Variants in HS3ST4 observed in about 807,000 individuals in gnomAD.
HS3ST4 encodes heparan sulfate-glucosamine 3-sulfotransferase 4.
In HS3ST4, 17 loss-of-function variants were observed where a neutral mutation model predicts 29.2. The observed-to-expected ratio is 0.58, with a 90% CI of 0.40 to 0.87. The LOEUF (loss-of-function observed/expected upper bound fraction) is 0.87. Among genes scored for constraint, HS3ST4 ranks in the 40% least tolerant of loss-of-function variants. The pLI is 0.00. For synonymous variants in HS3ST4, 314 were observed against 285.7 expected (o/e 1.10, Z -1.00); for missense variants, 627 against 634.5 (o/e 0.99, Z 0.13).
intron 1 of HS3ST4, among the ~76,000 whole-genome samples, chr16:25,919,306 A>C (rs1009577764): frequency 2.0e-5 from 3 of 152,152 alleles, no homozygotes; most frequent in Admixed American, 2.0e-4. Flanking sequence ...TTGGGATTAC[A>C]GGTGAGAGCC....
chr16:25,812,254 A>G (rs971806676), intron 1 of HS3ST4, among the ~76,000 whole-genome samples: 1 of 152,156 alleles, frequency 6.6e-6, no homozygotes, highest in African/African-American at 2.4e-5. Context: ...CATGTGGCAA[A>G]TGTCACAAAT....
At chr16:25,730,537 C>G (rs933034873) in intron 1 of HS3ST4, among the ~76,000 whole-genome samples, 3 of 144,214 alleles carry the variant, frequency 2.1e-5, no homozygotes, top group African/African-American at 5.2e-5. Context: ...TTCTCTCCCT[C>G]TCTTCCTTAT....
intron 1 of HS3ST4, among the ~76,000 whole-genome samples, chr16:25,865,987 T>C (rs548394719): frequency 6.6e-6 from 1 of 152,248 alleles, no homozygotes; most frequent in African/African-American, 2.4e-5. Context: ...TGCATCCAAC[T>C]AAAAGTCTTC....
intron 1 of HS3ST4, among the ~76,000 whole-genome samples, chr16:25,711,618 T>A (rs12927553): frequency 0.22 from 33,317 of 152,036 alleles, 3,936 homozygotes; most frequent in South Asian, 0.4. Flanking sequence ...CAAAATTGAC[T>A]ACTGCCTTTA....
chr16:25,973,530 TC>T (rs1359459198), intron 1 of HS3ST4, among the ~76,000 whole-genome samples: 2 of 152,226 alleles, frequency 1.3e-5, no homozygotes, highest in African/African-American at 4.8e-5. Context: ...TCCTTCCCAG[TC>T]TGTTTCTTTG....
At chr16:25,915,952 C>T (rs1031166682) in intron 1 of HS3ST4, among the ~76,000 whole-genome samples, 5 of 152,200 alleles carry the variant, frequency 3.3e-5, no homozygotes, top group African/African-American at 1.2e-4. Flanking sequence ...TAGCTGGGTG[C>T]CTGGCATGTA....
chr16:26,120,039 A>G (rs1899251342), intron 1 of HS3ST4, among the ~76,000 whole-genome samples: 1 of 147,396 alleles, frequency 6.8e-6, no homozygotes, highest in Non-Finnish European at 1.5e-5. Flanking sequence ...CTATTATGGG[A>G]AGAGCTGAAG....
At chr16:26,053,178 A>C (rs1363279636) in intron 1 of HS3ST4, among the ~76,000 whole-genome samples, 1 of 152,240 alleles carries the variant, frequency 6.6e-6, no homozygotes, top group Admixed American at 6.5e-5. Context: ...ATCCTGATAC[A>C]TAAGACGCTC....
At chr16:26,102,964 T>C (rs6497921) in intron 1 of HS3ST4, among the ~76,000 whole-genome samples, 104,674 of 152,036 alleles carry the variant, frequency 0.69, 36,807 homozygotes, top group Non-Finnish European at 0.76. Flanking sequence ...AAACAACCAC[T>C]GTGCAGAAGT....
intron 1 of HS3ST4, among the ~76,000 whole-genome samples, chr16:26,134,246 C>G (rs547525214): frequency 6.6e-6 from 1 of 151,776 alleles, no homozygotes; most frequent in African/African-American, 2.4e-5. Context: ...ATTTTGGGAG[C>G]AAAGAAAGAA....
intron 1 of HS3ST4, among the ~76,000 whole-genome samples, chr16:25,856,532 A>G (rs1459927941): frequency 1.3e-5 from 2 of 152,204 alleles, no homozygotes; most frequent in Non-Finnish European, 2.9e-5. Context: ...CAGAGAGGAC[A>G]TGGAAGCTTT....
intron 1 of HS3ST4, among the ~76,000 whole-genome samples, chr16:25,806,311 G>A (rs956279808): frequency 6.6e-6 from 1 of 152,054 alleles, no homozygotes; most frequent in Admixed American, 6.6e-5. Flanking sequence ...CTGTGTATGT[G>A]AGTGCAAGCG....
intron 1 of HS3ST4, among the ~76,000 whole-genome samples, chr16:26,008,339 T>C (rs1969276884): frequency 6.6e-6 from 1 of 152,210 alleles, no homozygotes; most frequent in Non-Finnish European, 1.5e-5. Context: ...TCATTATGTC[T>C]GTTTATTCAC....
At chr16:26,018,243 A>C (rs1246580681) in intron 1 of HS3ST4, among the ~76,000 whole-genome samples, 1 of 152,168 alleles carries the variant, frequency 6.6e-6, no homozygotes, top group East Asian at 1.9e-4. Context: ...TAACTAAATG[A>C]ATGGAAGTGA....
intron 1 of HS3ST4, among the ~76,000 whole-genome samples, chr16:25,701,251 A>G (rs894527101): frequency 5.3e-5 from 8 of 152,210 alleles, no homozygotes; most frequent in Non-Finnish European, 8.8e-5. Flanking sequence ...GAACTTCTGT[A>G]GGAAATTCCT....
chr16:25,864,581 C>G (rs189910848), intron 1 of HS3ST4, among the ~76,000 whole-genome samples: 5 of 152,188 alleles, frequency 3.3e-5, no homozygotes, highest in Admixed American at 1.3e-4. Flanking sequence ...GGAACTGCCA[C>G]TCTACTCTCC....
intron 1 of HS3ST4, among the ~76,000 whole-genome samples, chr16:25,802,352 T>A (rs899882510): frequency 2.6e-5 from 4 of 152,142 alleles, no homozygotes; most frequent in Non-Finnish European, 4.4e-5. Flanking sequence ...TTCCTACATA[T>A]CTGAAATATC....
At chr16:25,895,614 C>T (rs1334677015) in intron 1 of HS3ST4, among the ~76,000 whole-genome samples, 2 of 152,032 alleles carry the variant, frequency 1.3e-5, no homozygotes, top group Non-Finnish European at 2.9e-5. Context: ...ATTTATGTCT[C>T]ATGTTCTGGA....
chr16:25,935,823 G>A (rs1279182190), intron 1 of HS3ST4, among the ~76,000 whole-genome samples: 3 of 152,038 alleles, frequency 2.0e-5, no homozygotes, highest in Non-Finnish European at 4.4e-5. Context: ...GATAGACATT[G>A]AGACATTTAT....
Sources: gnomAD v4.1 joint callset for allele counts (sites outside exome capture counted in the v4.1 genomes callset) on GRCh38, gnomAD v4.1.1 for gene constraint, MANE v1.5 for transcripts, NCBI Gene and HGNC (gene_info 2026-07-23, HGNC 2026-07-21) for gene names.